Variants in KCNIP4 observed in about 807,000 individuals in gnomAD.
KCNIP4 encodes the protein potassium voltage-gated channel interacting protein 4, also known as Kv channel-interacting protein 4.
A neutral mutation model predicts 34.0 loss-of-function variants in KCNIP4; 12 were observed. The observed-to-expected ratio is 0.35, with a 90% CI of 0.23 to 0.57. The LOEUF (loss-of-function observed/expected upper bound fraction) is 0.57. Among genes scored for constraint, KCNIP4 ranks in the 20% least tolerant of loss-of-function variants. The pLI, the probability that KCNIP4 is intolerant of heterozygous loss-of-function variation, is 0.83. For synonymous variants in KCNIP4, 124 were observed against 102.2 expected (o/e 1.21, Z -1.29); for missense variants, 238 against 311.7 (o/e 0.76, Z 1.78).
chr4:21,696,155 C>T lies in KCNIP4; in HGVS notation c.61+252416G>A, dbSNP rs115215787. On this transcript the variant is annotated intron_variant, in intron 1 of 8. Coordinates refer to ENST00000382152, the MANE Select transcript of KCNIP4 (RefSeq NM_025221.6). ...AGGATGTTAACAATCCTCTTAATATCTATTAATATTTGATGATGCTCTCTA... is the reference window on the plus strand; with the variant it reads ...AGGATGTTAACAATCCTCTTAATATTTATTAATATTTGATGATGCTCTCTA... 7.7e-3 allele frequency among the ~76,000 whole-genome samples: 1,169 copies of T among 152,232 alleles called. 9 individuals are homozygous for T. Among genetic ancestry groups the T allele is most frequent in the African/African-American group, 0.025 (1,058 of 41,568 alleles).
chr4:20,798,275 T>G (rs1713743348), intron 3 of KCNIP4, among the ~76,000 whole-genome samples: 1 of 152,204 alleles, frequency 6.6e-6, no homozygotes, highest in Admixed American at 6.5e-5. Flanking sequence ...ACTCTGAAAG[T>G]TGTGAAAGCT....
intron 1 of KCNIP4, among the ~76,000 whole-genome samples, chr4:21,177,598 G>A (rs551869235): frequency 6.6e-6 from 1 of 152,164 alleles, no homozygotes; most frequent in African/African-American, 2.4e-5. Context: ...GGGAGGCCGA[G>A]GCAGGCAGGT....
chr4:21,877,898 T>C (rs1726227002), intron 1 of KCNIP4, among the ~76,000 whole-genome samples: 1 of 152,158 alleles, frequency 6.6e-6, no homozygotes, highest in Non-Finnish European at 1.5e-5. Context: ...TGTTCTGGGG[T>C]TGTGGACAAA....
chr4:21,933,215 G>A (rs964807089), intron 1 of KCNIP4, among the ~76,000 whole-genome samples: 2 of 152,040 alleles, frequency 1.3e-5, no homozygotes, highest in African/African-American at 4.8e-5. Flanking sequence ...ATAATGTGAT[G>A]TGACTATTTG....
rs946895184 is a variant in KCNIP4 at position 20,804,660 on chromosome 4, C to T, written c.289-45770G>A. Among the ~76,000 whole-genome samples the T allele has an allele frequency of 2.0e-5, 3 of 152,192 alleles. No individual in the cohort carries two copies. In the East Asian group the frequency reaches 5.8e-4, roughly 29 times the overall value. On this transcript the variant is annotated intron_variant, in intron 3 of 8. Coordinates refer to ENST00000382152, the MANE Select transcript of KCNIP4 (RefSeq NM_025221.6). ...CACCTTTTGTTATACTCTCTTTCTA[C>T]TTGATTGGGTGTGTATTAATCAGTA...
chr4:21,899,858 T>C (rs1444517209), intron 1 of KCNIP4, among the ~76,000 whole-genome samples: 1 of 152,152 alleles, frequency 6.6e-6, no homozygotes, highest in East Asian at 1.9e-4. Flanking sequence ...AAAATGTCTA[T>C]ACTACATAAG....
At chr4:21,389,544 C>A (rs1722349620) in intron 1 of KCNIP4, among the ~76,000 whole-genome samples, 1 of 146,312 alleles carries the variant, frequency 6.8e-6, no homozygotes. Flanking sequence ...TGAGTGAGAA[C>A]ATGCGGTGTT....
At chr4:21,497,184 C>T in intron 1 of KCNIP4, among the ~76,000 whole-genome samples, 1 of 152,164 alleles carries the variant, frequency 6.6e-6, no homozygotes. Flanking sequence ...ATGTAAAGAG[C>T]ATCCTCTGGA....
chr4:21,331,226 G>A (rs1285131156), intron 1 of KCNIP4, among the ~76,000 whole-genome samples: 2 of 152,012 alleles, frequency 1.3e-5, no homozygotes, highest in East Asian at 1.9e-4. Flanking sequence ...TTTCTATTGA[G>A]CAGCTTATAC....
intron 1 of KCNIP4, among the ~76,000 whole-genome samples, chr4:21,238,814 T>G (rs1180355806): frequency 7.9e-5 from 12 of 152,108 alleles, no homozygotes; most frequent in Non-Finnish European, 1.8e-4. Flanking sequence ...CAAGGTAATT[T>G]ATAAATTCAA....
chr4:20,844,551 A>C (rs1449997703), intron 3 of KCNIP4, among the ~76,000 whole-genome samples: 1 of 152,178 alleles, frequency 6.6e-6, no homozygotes, highest in Non-Finnish European at 1.5e-5. Flanking sequence ...GCGTTCAAGA[A>C]TAACCCTGAG....
intron 1 of KCNIP4, among the ~76,000 whole-genome samples, chr4:21,421,183 G>C (rs1193500379): frequency 1.3e-5 from 2 of 152,066 alleles, no homozygotes; most frequent in African/African-American, 4.8e-5. Context: ...GCACACTGTT[G>C]GTGGGAATGT....
intron 1 of KCNIP4, among the ~76,000 whole-genome samples, chr4:21,794,807 A>G (rs1720519624): frequency 6.6e-6 from 1 of 152,146 alleles, no homozygotes; most frequent in South Asian, 2.1e-4. Context: ...TGAACCAGGG[A>G]GGCGGAGGTT....
At chr4:21,100,403 A>G (rs2109066754) in intron 1 of KCNIP4, among the ~76,000 whole-genome samples, 1 of 152,224 alleles carries the variant, frequency 6.6e-6, no homozygotes, top group East Asian at 1.9e-4. Context: ...AATACAAAAA[A>G]TTAGCAGGGC....
At chr4:21,823,913 A>C (rs572631579) in intron 1 of KCNIP4, among the ~76,000 whole-genome samples, 12 of 152,298 alleles carry the variant, frequency 7.9e-5, no homozygotes, top group African/African-American at 2.9e-4. Flanking sequence ...TAAGAGGTGG[A>C]ATGCATATCT....
intron 3 of KCNIP4, among the ~76,000 whole-genome samples, chr4:20,810,182 A>G (rs1393041738): frequency 2.6e-5 from 4 of 152,170 alleles, no homozygotes; most frequent in African/African-American, 9.7e-5. Flanking sequence ...GTCACTGGAG[A>G]ACAAAAACTG....
At chr4:21,280,019 G>T (rs989751289) in intron 1 of KCNIP4, among the ~76,000 whole-genome samples, 21 of 152,080 alleles carry the variant, frequency 1.4e-4, no homozygotes. Flanking sequence ...TTATGAAAAG[G>T]CAGATTGCCA....
chr4:20,986,782 T>G (rs540322567), intron 1 of KCNIP4, among the ~76,000 whole-genome samples: 2 of 152,340 alleles, frequency 1.3e-5, no homozygotes, highest in East Asian at 3.9e-4. Context: ...CTATCTTTTT[T>G]GAAATTCACA....
At chr4:21,038,940 C>A (rs1181851184) in intron 1 of KCNIP4, among the ~76,000 whole-genome samples, 1 of 151,974 alleles carries the variant, frequency 6.6e-6, no homozygotes, top group Admixed American at 6.5e-5. Context: ...AAAAAGCATC[C>A]TGTGAAGGCT....
Sources: allele counts gnomAD v4.1 joint callset (sites outside exome capture counted in the v4.1 genomes callset), GRCh38; gene constraint gnomAD v4.1.1; transcripts MANE v1.5; gene names NCBI Gene and HGNC (gene_info 2026-07-23, HGNC 2026-07-21).